ACSM3: variants seen among roughly 807,000 people sequenced by gnomAD.
ACSM3 encodes the protein acyl-CoA synthetase medium chain family member 3, also known as acyl-coenzyme A synthetase ACSM3, mitochondrial.
A neutral mutation model predicts 74.1 loss-of-function variants in ACSM3; 61 were observed. The observed-to-expected ratio is 0.82, with a 90% CI of 0.67 to 1.02. The LOEUF (loss-of-function observed/expected upper bound fraction) is 1.02, where lower values mean the gene tolerates loss of function less well. Ranked by LOEUF, ACSM3 falls within the 50% of genes least tolerant of loss-of-function variation. ACSM3 has a pLI of 0.00. For missense variants in ACSM3, 660 were observed against 697.0 expected (o/e 0.95, Z 0.60); for synonymous variants, 213 against 241.5 (o/e 0.88, Z 1.09).
intron 1 of ACSM3, among the ~76,000 whole-genome samples, chr16:20,691,892 T>A (rs568471781): frequency 1.3e-5 from 2 of 151,948 alleles, no homozygotes; most frequent in Non-Finnish European, 2.9e-5. Context: ...ATTCCTATCA[T>A]GTGGAGACAG....
At chr16:20,696,879 T>C (rs1308728145) in intron 1 of ACSM3, among the ~76,000 whole-genome samples, 1 of 152,224 alleles carries the variant, frequency 6.6e-6, no homozygotes, top group Non-Finnish European at 1.5e-5. Context: ...GATGTTTGTC[T>C]CTGTTGTCTA....
intron 4 of ACSM3, chr16:20,780,360 G>A: frequency 2.4e-6 from 1 of 416,740 alleles, no homozygotes; most frequent in South Asian, 3.0e-5. Context: ...GGGAGGGAAG[G>A]GGAAAATTCT....
chr16:20,705,068 C>A (rs1333209996), intron 1 of ACSM3, among the ~76,000 whole-genome samples: 1 of 152,102 alleles, frequency 6.6e-6, no homozygotes, highest in African/African-American at 2.4e-5. Flanking sequence ...AAGCCCTGGA[C>A]AAAATATAAA....
intron 3 of ACSM3, 28 bp downstream of exon 3, chr16:20,776,077 T>C (rs750148712): frequency 6.2e-7 from 1 of 1,608,616 alleles, no homozygotes; most frequent in Non-Finnish European, 8.5e-7. Context: ...TCCGATCATA[T>C]TTATTACTAA....
In ACSM3 at chr16:20,756,559, G is replaced by A. The variant is rs529366576; in HGVS notation, c.-52+943G>A. On this transcript the variant is annotated intron_variant, in intron 3 of 3. Transcript: ENST00000561584. ...GCCCTTTGTCAGATGAGTAGGTTGC[G>A]AAAATTTTCTCCCATTTTGTAAGTT... Among the ~76,000 whole-genome samples the A allele has an allele frequency of 7.0e-3, 1,068 of 152,182 alleles. 19 individuals carry two copies. The highest frequency in any genetic ancestry group is 0.023 in the African/African-American group (950 of 41,512).
intron 2 of ACSM3, among the ~76,000 whole-genome samples, chr16:20,755,207 A>G (rs751946391): frequency 1.1e-4 from 17 of 152,228 alleles, no homozygotes; most frequent in Non-Finnish European, 2.2e-4. Context: ...CAGCTAAAAT[A>G]TAAAGTTTAA....
At chr16:20,768,634 C>CA (rs1240006431) in intron 1 of ACSM3, among the ~76,000 whole-genome samples, 2 of 152,116 alleles carry the variant, frequency 1.3e-5, no homozygotes, top group Non-Finnish European at 2.9e-5. Context: ...ACCTAGGCAT[C>CA]AGAGTATTTT....
At chr16:20,705,139 G>C (rs1480097362) in intron 1 of ACSM3, among the ~76,000 whole-genome samples, 1 of 152,118 alleles carries the variant, frequency 6.6e-6, no homozygotes, top group Non-Finnish European at 1.5e-5. Flanking sequence ...TTGGGAGGCC[G>C]AGGCGGGCAG....
At chr16:20,718,423 A>G in intron 1 of ACSM3, 1 of 742,900 alleles carries the variant, frequency 1.3e-6, no homozygotes, top group Non-Finnish European at 1.9e-6. Context: ...CACCAGTGGG[A>G]CGACAGGCTC....
chr16:20,792,877 A>C (rs181567981), intron 12 of ACSM3, among the ~76,000 whole-genome samples: 2 of 152,328 alleles, frequency 1.3e-5, no homozygotes, highest in African/African-American at 4.8e-5. Flanking sequence ...CTGACCACAC[A>C]GTATTTTGGC....
At chr16:20,747,961 T>G (rs567415369) in intron 1 of ACSM3, among the ~76,000 whole-genome samples, 34 of 152,144 alleles carry the variant, frequency 2.2e-4, no homozygotes, top group African/African-American at 7.7e-4. Flanking sequence ...GGCAACATGG[T>G]GAAGCCCCAT....
Position 20,677,519 on chromosome 16 carries a change from C to T in ACSM3, c.-190+2697C>T, listed in dbSNP as rs188554302. Among the ~76,000 whole-genome samples, 15 of 152,334 alleles carry T rather than the reference C, an allele frequency of 9.8e-5. No homozygotes were observed. In the East Asian group the frequency reaches 1.7e-3, roughly 18 times the overall value. On this transcript the variant is annotated intron_variant, in intron 1 of 3. Transcript: ENST00000561584. ...CCCTAAACCCGGCTACCTTGCTCCT[C>T]ATCAAGTCAGTACCAGGAGACCCCC...
chr16:20,786,256 G>T, intron 9 of ACSM3, 98 bp downstream of exon 9: 1 of 1,482,400 alleles, frequency 6.7e-7, no homozygotes. Context: ...TTATGATGGT[G>T]ATTCCATTTT....
intron 12 of ACSM3, chr16:20,792,693 C>T (rs915720948): frequency 2.0e-6 from 2 of 985,296 alleles, no homozygotes; most frequent in Non-Finnish European, 2.4e-6. Flanking sequence ...GGTCTGGAAA[C>T]CAACGAGGTC....
chr16:20,737,542 T>G (rs1779229398), intron 1 of ACSM3, among the ~76,000 whole-genome samples: 1 of 152,216 alleles, frequency 6.6e-6, no homozygotes, highest in Non-Finnish European at 1.5e-5. Context: ...GAAAATCTCA[T>G]ATCCGACATA....
At chr16:20,711,536 C>A in intron 1 of ACSM3, 1 of 1,423,130 alleles carries the variant, frequency 7.0e-7, no homozygotes, top group Non-Finnish European at 9.7e-7. Flanking sequence ...CGGCTGCAAG[C>A]ATCCAAGGCC....
intron 9 of ACSM3, among the ~76,000 whole-genome samples, chr16:20,789,038 A>G (rs915018220): frequency 2.0e-5 from 3 of 152,244 alleles, no homozygotes; most frequent in African/African-American, 7.2e-5. Flanking sequence ...TCTGGAGAAT[A>G]TATATAAAAG....
intron 1 of ACSM3, among the ~76,000 whole-genome samples, chr16:20,733,404 T>C (rs2079843063): frequency 6.6e-6 from 1 of 152,084 alleles, no homozygotes; most frequent in Admixed American, 6.6e-5. Context: ...GTATAAATAA[T>C]TCAAAAATCA....
Position 20,797,115 on chromosome 16 carries a change from C to G in ACSM3, c.*143C>G, listed in dbSNP as rs2080738184. 7.2e-7 allele frequency: 1 copy of G among 1,379,892 alleles called. No homozygotes were observed. The highest frequency in any genetic ancestry group is 2.9e-5 in the East Asian group (1 of 34,400). The allele number at this position is 1,379,892 out of a possible 1,614,324, so 85.5% of individuals were successfully genotyped here. A position where few individuals can be genotyped will look rare whatever the true frequency, so the allele number is the denominator to read the frequency against. On this transcript the variant is annotated 3_prime_UTR_variant, in exon 14 of 14. Coordinates refer to ENST00000289416, the MANE Select transcript of ACSM3 (RefSeq NM_005622.4). Reference sequence around the variant, plus strand: ...TTAAAATATCTTGTGGTTATGATATCAGAGGCTAAATTTTGAAATAAAATA... The same window carrying G: ...TTAAAATATCTTGTGGTTATGATATGAGAGGCTAAATTTTGAAATAAAATA...
Sources: allele counts gnomAD v4.1 joint callset (sites outside exome capture counted in the v4.1 genomes callset), GRCh38; gene constraint gnomAD v4.1.1; transcripts MANE v1.5; gene names NCBI Gene and HGNC (gene_info 2026-07-23, HGNC 2026-07-21).